The following SESTD1 variants were observed in gnomAD, a reference collection of about 807,000 sequenced individuals.
The protein encoded by SESTD1 is SEC14 and spectrin domain containing 1.
A neutral mutation model predicts 101.7 loss-of-function variants in SESTD1; 43 were observed. The ratio of observed to expected loss-of-function variants is 0.42; its 90% confidence interval spans 0.33 to 0.55. The LOEUF is 0.55. SESTD1 is among the 20% of genes least tolerant of loss of function. The probability of loss-of-function intolerance (pLI) is 0.07; values close to 1 mark genes in which losing one functional copy is unlikely to be tolerated. For synonymous variants in SESTD1, 283 were observed against 286.8 expected (o/e 0.99, Z 0.13); for missense variants, 647 against 815.1 (o/e 0.79, Z 2.51).
chr2:179,160,946 T>C (rs1285161781), intron 5 of SESTD1, among the ~76,000 whole-genome samples: 2 of 152,264 alleles, frequency 1.3e-5, no homozygotes, highest in South Asian at 2.1e-4. Context: ...ATTATTTTTT[T>C]TTAGAGACAG....
chr2:179,121,187 A>T (rs1350844558), intron 13 of SESTD1, among the ~76,000 whole-genome samples: 1 of 152,246 alleles, frequency 6.6e-6, no homozygotes, highest in Non-Finnish European at 1.5e-5. Flanking sequence ...AATTTCATAT[A>T]ACCATGCTAG....
intron 5 of SESTD1, among the ~76,000 whole-genome samples, chr2:179,170,654 G>T (rs577857507): frequency 1.3e-5 from 2 of 152,134 alleles, no homozygotes; most frequent in African/African-American, 4.8e-5. Context: ...GTGGCTGTGG[G>T]CCTCTAAACA....
intron 1 of SESTD1, among the ~76,000 whole-genome samples, chr2:179,236,318 T>A (rs1420111766): frequency 9.0e-6 from 1 of 111,314 alleles, no homozygotes; most frequent in African/African-American, 3.8e-5. Context: ...TGAGACCTCA[T>A]CTCTTAAAAA....
At chr2:179,185,551 C>T (rs1167558988) in intron 2 of SESTD1, among the ~76,000 whole-genome samples, 2 of 131,198 alleles carry the variant, frequency 1.5e-5, no homozygotes, top group Non-Finnish European at 3.1e-5. Flanking sequence ...ATGATATGTA[C>T]ATATGTTATA....
chr2:179,136,566 G>A (rs1207976769), intron 9 of SESTD1, among the ~76,000 whole-genome samples: 1 of 152,032 alleles, frequency 6.6e-6, no homozygotes, highest in Non-Finnish European at 1.5e-5. Flanking sequence ...GAAACATAGT[G>A]ATAAAATGAC....
rs146715572 is a variant in SESTD1 at position 179,155,862 on chromosome 2, T to C, written c.370-4471A>G. Among the ~76,000 whole-genome samples, 190 of 152,206 alleles carry C rather than the reference T, an allele frequency of 1.2e-3. 1 individual carries two copies. Among genetic ancestry groups the C allele is most frequent in the African/African-American group, 4.3e-3 (180 of 41,522 alleles). The stretch of plus-strand genomic sequence containing the variant: ...CACCCGAGCAGTATACACTGCAGCA[T>C]ATTTGTAGTCTTTTATCCCTTGCTT... On this transcript the variant is annotated intron_variant, in intron 5 of 17. Transcript: ENST00000428443.
intron 1 of SESTD1, among the ~76,000 whole-genome samples, chr2:179,234,919 G>T (rs979435295): frequency 6.6e-6 from 1 of 151,024 alleles, no homozygotes; most frequent in Non-Finnish European, 1.5e-5. Context: ...GGCCAGCCTG[G>T]GCAACATAGT....
At chr2:179,247,870 A>T (rs1035665173) in intron 1 of SESTD1, among the ~76,000 whole-genome samples, 6 of 152,168 alleles carry the variant, frequency 3.9e-5, no homozygotes, top group Non-Finnish European at 8.8e-5. Flanking sequence ...CAAGGAAAAT[A>T]AAAAAATACA....
chr2:179,195,480 G>A (rs908046210), intron 1 of SESTD1, among the ~76,000 whole-genome samples: 3 of 152,144 alleles, frequency 2.0e-5, no homozygotes, highest in Non-Finnish European at 2.9e-5. Context: ...CCAGTCTCAG[G>A]TATTTCTTTA....
At chr2:179,219,442 G>A (rs774494689) in intron 1 of SESTD1, among the ~76,000 whole-genome samples, 1 of 152,188 alleles carries the variant, frequency 6.6e-6, no homozygotes, top group Non-Finnish European at 1.5e-5. Flanking sequence ...TCTACATCAC[G>A]TAGACACAAA....
chr2:179,206,956 T>C lies in SESTD1; in HGVS notation c.-25-15090A>G, dbSNP rs535765014. Among the ~76,000 whole-genome samples, 296 of 133,298 alleles carry C rather than the reference T, an allele frequency of 2.2e-3. 61 individuals are homozygous for C. In the South Asian group the frequency reaches 0.025, roughly 11 times the overall value. The allele number at this position is 133,298 out of a possible 152,430, so 87.4% of individuals were successfully genotyped here. On this transcript the variant is annotated intron_variant, in intron 1 of 17. Coordinates refer to ENST00000428443, the MANE Select transcript of SESTD1 (RefSeq NM_178123.5). ...GCTTTTCCACTTCCCTGGTGATCTA[T>C]ATGATGCAGCAGAGGCAGCCATAAT... is the stretch of plus-strand genomic sequence containing the variant.
intron 1 of SESTD1, among the ~76,000 whole-genome samples, chr2:179,199,094 T>C (rs1167643048): frequency 2.6e-5 from 4 of 151,950 alleles, no homozygotes; most frequent in East Asian, 3.9e-4. Flanking sequence ...AAGAATCAAA[T>C]AGACGCAATA....
chr2:179,115,537 T>C (rs761494669), intron 15 of SESTD1, among the ~76,000 whole-genome samples: 6 of 151,296 alleles, frequency 4.0e-5, no homozygotes, highest in Non-Finnish European at 7.4e-5. Flanking sequence ...TGCTTGAAGT[T>C]AGGAGTTCAA....
At chr2:179,190,880 C>T (rs779537808) in intron 2 of SESTD1, among the ~76,000 whole-genome samples, 3 of 152,120 alleles carry the variant, frequency 2.0e-5, no homozygotes, top group Admixed American at 1.3e-4. Context: ...ATAACAGATG[C>T]TGGTGAAGCT....
chr2:179,259,998 AT>A (rs1438632804), intron 1 of SESTD1, among the ~76,000 whole-genome samples: 1 of 152,176 alleles, frequency 6.6e-6, no homozygotes, highest in Non-Finnish European at 1.5e-5. Flanking sequence ...GATACTTGTG[AT>A]TTATTAGTGG....
intron 1 of SESTD1, among the ~76,000 whole-genome samples, chr2:179,240,048 T>G (rs927234392): frequency 6.6e-5 from 10 of 152,174 alleles, no homozygotes; most frequent in Non-Finnish European, 7.4e-5. Context: ...ACACATGGCC[T>G]TGAGATGAAC....
rs2044288742 is a variant in SESTD1 at position 179,102,274 on chromosome 2, GAATATACA to G, written c.*7617_*7624del. The G allele has an allele frequency of 2.0e-5, 3 of 152,094 alleles. No individual in the cohort carries two copies. The highest frequency in any genetic ancestry group is 2.0e-4 in the Admixed American group (3 of 15,238). 9.4% of individuals were successfully genotyped at this position (152,094 alleles called of 1,614,324 possible). On this transcript the variant is annotated 3_prime_UTR_variant, in exon 18 of 18. Coordinates refer to ENST00000428443, the MANE Select transcript of SESTD1 (RefSeq NM_178123.5). Reference sequence around the variant, plus strand: ...TCTTCTAAGACTCCAGGTTATTTCAGAATATACAAGTTACATTTTTGATTTAATGAAAG... The same window carrying G: ...TCTTCTAAGACTCCAGGTTATTTCAGAGTTACATTTTTGATTTAATGAAAG...
intron 9 of SESTD1, among the ~76,000 whole-genome samples, chr2:179,132,724 T>C (rs1205159600): frequency 2.0e-5 from 3 of 152,170 alleles, no homozygotes; most frequent in African/African-American, 4.8e-5. Context: ...AAAAATTAAC[T>C]TACGAAAAGA....
rs1315748234 is a variant in SESTD1 at position 179,102,521 on chromosome 2, AGTT to A, written c.*7375_*7377del. 28 of 152,232 alleles carry A rather than the reference AGTT, an allele frequency of 1.8e-4. No homozygotes were observed. Among genetic ancestry groups the A allele is most frequent in the East Asian group, 5.8e-4 (3 of 5,186 alleles). The allele number at this position is 152,232 out of a possible 1,614,324, so 9.4% of individuals were successfully genotyped here. On this transcript the variant is annotated 3_prime_UTR_variant, in exon 18 of 18. Transcript: ENST00000428443. ...ACATACCAAAACCTGCTGCCATTATAGTTGTTAACATTTTTATTGCATATTTAC... is the reference window on the plus strand; with the variant it reads ...ACATACCAAAACCTGCTGCCATTATAGTTAACATTTTTATTGCATATTTAC...
Sources: allele counts gnomAD v4.1 joint callset (sites outside exome capture counted in the v4.1 genomes callset), GRCh38; gene constraint gnomAD v4.1.1; transcripts MANE v1.5; gene names NCBI Gene and HGNC (gene_info 2026-07-23, HGNC 2026-07-21).